Variants in SBSN observed in about 807,000 individuals in gnomAD.
The protein encoded by SBSN is HLAR698.
In SBSN, 33 loss-of-function variants were observed where a neutral mutation model predicts 42.8. The ratio of observed to expected loss-of-function variants is 0.77; its 90% CI spans 0.58 to 1.03. The LOEUF (loss-of-function observed/expected upper bound fraction) is 1.03, where lower values mean the gene tolerates loss of function less well. Ranked by LOEUF, SBSN falls within the 50% of genes least tolerant of loss-of-function variation. SBSN has a pLI of 0.00. For synonymous variants in SBSN, 276 were observed against 307.0 expected (o/e 0.90, Z 1.06); for missense variants, 646 against 757.3 (o/e 0.85, Z 1.72).
In SBSN at chr19:35,526,753, T is replaced by C; in HGVS notation, c.1529A>G (p.Glu510Gly). 6.2e-7 allele frequency: 1 copy of C among 1,613,212 alleles called. No homozygotes were observed. ...HAADQAGKEV[E>G]KLGQGAHHAA... ...ATGGTGGGCACCTTGGCCAAGCTTC[T>C]CCACTTCCTTTCCAGCCTGGTCAGC... is the stretch of plus-strand genomic sequence containing the variant. Residue 510 changes from glutamate (E) to glycine (G), a missense_variant, in exon 1 of 4, where the codon GAG (glutamate) becomes GGG (glycine). By Grantham distance (98) the Glu-to-Gly change is moderately conservative. This residue lies in a region of SBSN where 236 missense variants were observed against 225.6 expected (regional missense o/e 1.05). Coordinates refer to ENST00000452271, the MANE Select transcript of SBSN (RefSeq NM_001166034.2).
chr19:35,526,411 CCTGT>C (rs1306100647), intron 1 of SBSN, among the ~76,000 whole-genome samples: 1 of 152,236 alleles, frequency 6.6e-6, no homozygotes, highest in East Asian at 1.9e-4. Flanking sequence ...TGCCCGCCAC[CCTGT>C]CTGATACGTG....
Position 35,528,184 on chromosome 19 carries a change from A to G in SBSN, c.98T>C (p.Ile33Thr), listed in dbSNP as rs761714560. ...AASDDPIEKVIEGINRGLSNA... is the reference protein window; with the variant it reads ...AASDDPIEKVTEGINRGLSNA... Reference sequence around the variant, plus strand: ...GCTCAGCCCTCGGTTGATCCCTTCAATGACCTTCTCAATGGGGTCATCGCT... The same window carrying G: ...GCTCAGCCCTCGGTTGATCCCTTCAGTGACCTTCTCAATGGGGTCATCGCT... The change falls in exon 1 of 4, where the codon ATT becomes ACT. Residue 33 changes from isoleucine (I) to threonine (T), a missense_variant. This residue lies in a region of SBSN where 190 missense variants were observed against 197.1 expected (regional missense o/e 0.96). Transcript: ENST00000452271. 5 of 1,613,866 alleles carry G rather than the reference A, an allele frequency of 3.1e-6. No homozygotes were observed. The South Asian group carries it at 5.5e-5, about 18-fold the overall frequency.
chr19:35,525,170 T>A (rs947761509), intron 1 of SBSN, among the ~76,000 whole-genome samples: 1 of 152,142 alleles, frequency 6.6e-6, no homozygotes, highest in South Asian at 2.1e-4. Flanking sequence ...CTCTCAGTCA[T>A]GGAGGAGGGG....
Position 35,524,717 on chromosome 19 carries a change from C to A in SBSN, c.1743G>T (p.Leu581=). 1 of 1,614,006 alleles carries A rather than the reference C, an allele frequency of 6.2e-7. No homozygotes were observed. Among genetic ancestry groups the A allele is most frequent in the Non-Finnish European group, 8.5e-7 (1 of 1,179,972 alleles). Residue 581 remains leucine, a synonymous_variant, in exon 3 of 4, where the codon CTG becomes CTT. Coordinates refer to ENST00000452271, the MANE Select transcript of SBSN (RefSeq NM_001166034.2). ...GACACCATGGGGCACTCACCCTCCA[C>A]AGGGCGGGAAGGTTGATGAAAGGCG... ...VNTPFINLPA[L]WRSVANIMP
chr19:35,526,467 C>T (rs1007988328), intron 1 of SBSN, among the ~76,000 whole-genome samples, 177 bp downstream of exon 1: 5 of 152,138 alleles, frequency 3.3e-5, no homozygotes, highest in Admixed American at 2.6e-4. Flanking sequence ...CCAGCTGCCA[C>T]CAGCTCCTTT....
intron 1 of SBSN, 59 bp downstream of exon 1, chr19:35,526,584 GT>G: frequency 1.0e-6 from 1 of 961,606 alleles, no homozygotes; most frequent in Non-Finnish European, 1.5e-6. Flanking sequence ...TGTCCCAGGG[GT>G]TTAACCTTTC....
At chr19:35,526,608 CCCCTGT>C in intron 1 of SBSN, 30 bp downstream of exon 1, 1 of 1,258,598 alleles carries the variant, frequency 7.9e-7, no homozygotes, top group Non-Finnish European at 1.1e-6. Flanking sequence ...TCCCCCAACC[CCCCTGT>C]CCCCCATCTC....
intron 1 of SBSN, 36 bp downstream of exon 1, chr19:35,526,608 C>A (rs776846632): frequency 2.4e-6 from 3 of 1,258,606 alleles, no homozygotes; most frequent in African/African-American, 1.5e-5. Flanking sequence ...TCCCCCAACC[C>A]CCCTGTCCCC....
In SBSN at chr19:35,527,967, A is replaced by G. The variant is rs1356109439; in HGVS notation, c.315T>C (p.Ile105=). Reference sequence around the variant, plus strand: ...TCTCTGCTTCCTTTCCTGCTTGTCCAATACCATGGTTGATCTCATGGGCAA... The same window carrying G: ...TCTCTGCTTCCTTTCCTGCTTGTCCGATACCATGGTTGATCTCATGGGCAA... ...DKVAHEINHG[I]GQAGKEAEKL... Residue 105 remains isoleucine (I), a synonymous_variant, in exon 1 of 4, where the codon ATT becomes ATC. Transcript: ENST00000452271. 1 of 1,613,998 alleles carries G rather than the reference A, an allele frequency of 6.2e-7. No individual in the cohort carries two copies. The highest frequency in any genetic ancestry group is 1.3e-5 in the African/African-American group (1 of 74,988).
At chr19:35,525,062 C>G (rs1329084316) in intron 1 of SBSN, 138 bp from the exon 2 acceptor site, 1 of 868,410 alleles carries the variant, frequency 1.2e-6, no homozygotes, top group East Asian at 2.7e-5. Context: ...TGCCTCCTCA[C>G]TGTCCAGAAG....
At chr19:35,523,580 TGACGG>T (rs548302241) in intron 3 of SBSN, 47 bp from the exon 4 acceptor site, 29 of 1,603,860 alleles carry the variant, frequency 1.8e-5, no homozygotes, top group Non-Finnish European at 2.5e-5. Context: ...TCCACAGTCA[TGACGG>T]GACCCGAGAC....
rs1246128706 is a variant in SBSN, at chr19:35,524,885, C to T, written c.1678G>A (p.Ala560Thr). ...CCAGAGGCTAACGGCGTGGTTGTGGCCCCTCCTTGATGGCTGGAAGATCCG... is the reference window on the plus strand; with the variant it reads ...CCAGAGGCTAACGGCGTGGTTGTGGTCCCTCCTTGATGGCTGGAAGATCCG... Reference protein sequence around the residue: ...QSGSSSHQGGATTTPLASGAS... With the variant: ...QSGSSSHQGGTTTTPLASGAS... Residue 560 changes from alanine to threonine, a missense_variant, in exon 2 of 4, where the codon GCC (alanine) becomes ACC (threonine). Physicochemically the swap from Ala to Thr is moderately conservative, Grantham distance 58. Around this residue, in one of 3 missense-constraint regions of SBSN, gnomAD observed 236 missense variants for 225.6 expected, o/e 1.05. Coordinates refer to ENST00000452271, the MANE Select transcript of SBSN (RefSeq NM_001166034.2). 6.2e-7 allele frequency: 1 copy of T among 1,614,106 alleles called. No homozygotes were observed. Among genetic ancestry groups the T allele is most frequent in the Admixed American group, 1.7e-5 (1 of 60,016 alleles).
chr19:35,523,954 G>C (rs570569270), intron 3 of SBSN, among the ~76,000 whole-genome samples: 1 of 152,264 alleles, frequency 6.6e-6, no homozygotes, highest in Admixed American at 6.5e-5. Flanking sequence ...AGGAAGGAGG[G>C]GATCACTTGA....
Position 35,527,172 on chromosome 19 carries a change from A to T in SBSN, c.1110T>A (p.His370Gln), listed in dbSNP as rs866624519. 1 of 1,519,958 alleles carries T rather than the reference A, an allele frequency of 6.6e-7. No individual in the cohort carries two copies. The highest frequency in any genetic ancestry group is 1.2e-5 in the South Asian group (1 of 83,174). The allele number at this position is 1,519,958 out of a possible 1,614,324, so 94.2% of individuals were successfully genotyped here. The stretch of plus-strand genomic sequence containing the variant: ...CCTCATTAACCCCATGGTGGACCCC[A>T]TGGCCGAGCTTCTCTGTTTCCTTCC... Reference protein sequence around the residue: ...QFGKETEKLGHGVHHGVNEAW... With the variant: ...QFGKETEKLGQGVHHGVNEAW... The change falls in exon 1 of 4, where the codon CAT (histidine) becomes CAA (glutamine). Residue 370 changes from histidine to glutamine, a missense_variant. By Grantham distance (24) the His-to-Gln change is conservative. This residue lies in a region of SBSN where 220 missense variants were observed against 334.5 expected (regional missense o/e 0.66). Transcript: ENST00000452271.
chr19:35,523,375 C>T lies in SBSN; in HGVS notation c.*135G>A. ...ACCACAATGAGACAGCATAGTGTAT[C>T]AAGTTTATTCACAAATCCCAGTACA... On this transcript the variant is annotated 3_prime_UTR_variant, in exon 4 of 4. Coordinates refer to ENST00000452271, the MANE Select transcript of SBSN (RefSeq NM_001166034.2). 1.1e-6 allele frequency: 1 copy of T among 869,634 alleles called. No individual in the cohort carries two copies. Among genetic ancestry groups the T allele is most frequent in the Middle Eastern group, 2.1e-4 (1 of 4,664 alleles). The allele number at this position is 869,634 out of a possible 1,614,324, so 53.9% of individuals were successfully genotyped here.
rs1270726052 is a variant in SBSN at position 35,524,713 on chromosome 19, T to A, written c.1747A>T (p.Arg583Trp). 1 of 1,613,820 alleles carries A rather than the reference T, an allele frequency of 6.2e-7. No individual in the cohort carries two copies. Among genetic ancestry groups the A allele is most frequent in the Admixed American group, 1.7e-5 (1 of 59,970 alleles). Reference protein sequence around the residue: ...TPFINLPALWRSVANIMP With the variant: ...TPFINLPALWWSVANIMP The stretch of plus-strand genomic sequence containing the variant: ...AAGAGACACCATGGGGCACTCACCC[T>A]CCACAGGGCGGGAAGGTTGATGAAA... The change falls in exon 3 of 4, where the codon AGG becomes TGG. Residue 583 changes from arginine to tryptophan, a missense_variant and splice_region_variant. Arg to Trp is a moderately radical substitution (Grantham distance 101). This residue lies in a region of SBSN where 236 missense variants were observed against 225.6 expected (regional missense o/e 1.05). Coordinates refer to ENST00000452271, the MANE Select transcript of SBSN (RefSeq NM_001166034.2).
Position 35,523,476 on chromosome 19 carries a change from C to A in SBSN, c.*34G>T, listed in dbSNP as rs1486027110. On this transcript the variant is annotated 3_prime_UTR_variant, in exon 4 of 4. Transcript: ENST00000452271. ...GTCATGTCAGCTGATGTGACAACGG[C>A]GACATTATTCTCCCAGCAAGGCCGG... is the stretch of plus-strand genomic sequence containing the variant. 6.2e-7 allele frequency: 1 copy of A among 1,612,532 alleles called. No homozygotes were observed. The highest frequency in any genetic ancestry group is 1.7e-5 in the Admixed American group (1 of 60,014).
Position 35,524,840 on chromosome 19 carries a change from C to T in SBSN, c.1704+19G>A. On this transcript the variant is annotated intron_variant, in intron 2 of 3. Coordinates refer to ENST00000452271, the MANE Select transcript of SBSN (RefSeq NM_001166034.2). ...ACTCCCAGGGGCCTCCTCTCCCCTA[C>T]CCCAGAGTCCGCGCTTACCCCAGAG... The T allele has an allele frequency of 3.7e-6, 6 of 1,613,970 alleles. No individual in the cohort carries two copies. The highest frequency in any genetic ancestry group is 1.3e-5 in the African/African-American group (1 of 75,022).
chr19:35,523,435 C>T lies in SBSN; in HGVS notation c.*75G>A. ...AGGGATTTCAGAAACCTGTCCCCCA[C>T]CCCCAACCCCTCCAGGTCATGTCAG... On this transcript the variant is annotated 3_prime_UTR_variant, in exon 4 of 4. Transcript: ENST00000452271. 7 of 1,480,108 alleles carry T rather than the reference C, an allele frequency of 4.7e-6. No homozygotes were observed. Among genetic ancestry groups the T allele is most frequent in the Non-Finnish European group, 6.6e-6 (7 of 1,058,426 alleles). The allele number at this position is 1,480,108 out of a possible 1,614,324, so 91.7% of individuals were successfully genotyped here.
Sources: allele counts gnomAD v4.1 joint callset (sites outside exome capture counted in the v4.1 genomes callset), GRCh38; gene constraint gnomAD v4.1.1; regional missense constraint gnomAD v4.1.1; transcripts MANE v1.5; gene names NCBI Gene and HGNC (gene_info 2026-07-23, HGNC 2026-07-21).